Variants in MTF2 observed in about 807,000 individuals in gnomAD.
MTF2 encodes the protein metal response element binding transcription factor 2, also known as metal-response element-binding transcription factor 2.
Under a neutral mutation model 79.5 loss-of-function variants are expected in MTF2, and 11 were observed. The ratio of observed to expected loss-of-function variants is 0.14; its 90% CI spans 0.09 to 0.23. The LOEUF (loss-of-function observed/expected upper bound fraction) is 0.23, where lower values mean the gene tolerates loss of function less well. MTF2 is among the 10% of genes least tolerant of loss of function. MTF2 has a pLI of 1.00. For synonymous variants in MTF2, 208 were observed against 232.8 expected, an observed-to-expected ratio of 0.89 and a Z score of 0.97; for missense variants, 486 against 711.2, an observed-to-expected ratio of 0.68 and a Z score of 3.60.
In MTF2 at chr1:93,137,997, C is replaced by T. The variant is rs778173747; in HGVS notation, c.*970C>T. Reference sequence around the variant, plus strand: ...GCACATTATGATTGTAAATGTCTCTCATTTTTAACAGTAAGTCTATAGGAG... The same window carrying T: ...GCACATTATGATTGTAAATGTCTCTTATTTTTAACAGTAAGTCTATAGGAG... On this transcript the variant is annotated 3_prime_UTR_variant, in exon 15 of 15. Transcript: ENST00000370298. The T allele has an allele frequency of 2.0e-5, 3 of 152,156 alleles. No homozygotes were observed. Among genetic ancestry groups the T allele is most frequent in the African/African-American group, 7.2e-5 (3 of 41,432 alleles). The allele number at this position is 152,156 out of a possible 1,614,324, so 9.4% of individuals were successfully genotyped here. A position where few individuals can be genotyped will look rare whatever the true frequency, so the allele number is the denominator to read the frequency against.
At chr1:93,105,036 C>G (rs1450191536) in intron 1 of MTF2, among the ~76,000 whole-genome samples, 1 of 147,558 alleles carries the variant, frequency 6.8e-6, no homozygotes, top group Admixed American at 6.9e-5. Context: ...CCCAGCTACT[C>G]GGGAGGCTGA....
chr1:93,107,164 G>A (rs962256814), intron 1 of MTF2, among the ~76,000 whole-genome samples: 5 of 152,044 alleles, frequency 3.3e-5, no homozygotes, highest in African/African-American at 9.7e-5. Context: ...GTGTACTAAC[G>A]GTAAAAAATA....
intron 6 of MTF2, among the ~76,000 whole-genome samples, chr1:93,117,407 G>A (rs1164089708): frequency 6.6e-6 from 1 of 152,088 alleles, no homozygotes. Context: ...ACTGAAAAGA[G>A]AAGATATATT....
Position 93,079,344 on chromosome 1 carries a change from G to A in MTF2, c.-183G>A. On this transcript the variant is annotated 5_prime_UTR_variant, in exon 1 of 15. Coordinates refer to ENST00000370298, the MANE Select transcript of MTF2 (RefSeq NM_007358.4). Reference sequence around the variant, plus strand: ...GAAGTGGGCTGTGTTTGAGGCCGGTGTAAGAACGCTCATTCTACCCCCAAC... The same window carrying A: ...GAAGTGGGCTGTGTTTGAGGCCGGTATAAGAACGCTCATTCTACCCCCAAC... 1.4e-6 allele frequency: 1 copy of A among 696,078 alleles called. No individual in the cohort carries two copies. Among genetic ancestry groups the A allele is most frequent in the Admixed American group, 2.4e-5 (1 of 41,718 alleles). 43.1% of individuals were successfully genotyped at this position (696,078 alleles called of 1,614,324 possible). A position where few individuals can be genotyped will look rare whatever the true frequency, so the allele number is the denominator to read the frequency against.
chr1:93,086,147 T>C (rs1257941067), intron 1 of MTF2, among the ~76,000 whole-genome samples: 1 of 152,146 alleles, frequency 6.6e-6, no homozygotes, highest in East Asian at 1.9e-4. Flanking sequence ...TAATCTGTCG[T>C]TGACCAAAGT....
At chr1:93,125,432 C>A (rs1656656355) in intron 9 of MTF2, among the ~76,000 whole-genome samples, 1 of 150,692 alleles carries the variant, frequency 6.6e-6, no homozygotes. Flanking sequence ...GGATTTGTAA[C>A]TAATGGAAAA....
intron 1 of MTF2, among the ~76,000 whole-genome samples, chr1:93,081,493 C>T (rs1571209004): frequency 6.6e-6 from 1 of 152,208 alleles, no homozygotes; most frequent in African/African-American, 2.4e-5. Context: ...GAAAGTAAAA[C>T]TTAACTGCTG....
chr1:93,129,799 A>G (rs753735844), intron 11 of MTF2, among the ~76,000 whole-genome samples: 2 of 152,110 alleles, frequency 1.3e-5, no homozygotes, highest in Admixed American at 6.6e-5. Context: ...TAAGTTTTCA[A>G]GTGCCTTATT....
At chr1:93,082,830 AAAG>A (rs1477922267) in intron 1 of MTF2, among the ~76,000 whole-genome samples, 1 of 152,212 alleles carries the variant, frequency 6.6e-6, no homozygotes, top group South Asian at 2.1e-4. Flanking sequence ...CCCAAAAAGA[AAAG>A]AAAATCTTAA....
At chr1:93,114,582 A>G in intron 3 of MTF2, 106 bp from the exon 4 acceptor site, 1 of 697,852 alleles carries the variant, frequency 1.4e-6, no homozygotes, top group Non-Finnish European at 2.4e-6. Context: ...ATTATGATGT[A>G]CTTAGCAAAC....
chr1:93,113,307 G>T (rs1248098388), intron 3 of MTF2, among the ~76,000 whole-genome samples: 2 of 152,096 alleles, frequency 1.3e-5, no homozygotes, highest in Non-Finnish European at 2.9e-5. Context: ...TTGGGCTTGG[G>T]AAGTCAAGGC....
chr1:93,101,597 T>TTTTTTTTTTTTTTTA (rs71094228), intron 1 of MTF2, among the ~76,000 whole-genome samples: 1 of 122,968 alleles, frequency 8.1e-6, no homozygotes, highest in Non-Finnish European at 1.7e-5. Flanking sequence ...TTTTTTTTTT[T>TTTTTTTTTTTTTTTA]GAGACAGGGT....
intron 1 of MTF2, among the ~76,000 whole-genome samples, chr1:93,102,548 C>T (rs1274620215): frequency 6.6e-6 from 1 of 151,998 alleles, no homozygotes; most frequent in Non-Finnish European, 1.5e-5. Flanking sequence ...CCCATGATTG[C>T]ACCACTGCAC....
Position 93,124,460 on chromosome 1 carries a change from T to C in MTF2, c.922-2772T>C, listed in dbSNP as rs111825607. Among the ~76,000 whole-genome samples the C allele has an allele frequency of 3.8e-3, 577 of 152,178 alleles. 8 individuals are homozygous for C. Among genetic ancestry groups the C allele is most frequent in the African/African-American group, 0.013 (550 of 41,568 alleles). ...CCTAGTTCTGTAATAACCACTCTTC[T>C]GTGGTCTTAAATTTTAGAAACCCTG... is the stretch of plus-strand genomic sequence containing the variant. On this transcript the variant is annotated intron_variant, in intron 9 of 14. Transcript: ENST00000370298.
chr1:93,113,997 T>G (rs1023839746), intron 3 of MTF2, among the ~76,000 whole-genome samples: 2 of 148,854 alleles, frequency 1.3e-5, no homozygotes, highest in Admixed American at 1.3e-4. Flanking sequence ...ATTAGAAATT[T>G]TGTGTGATTT....
chr1:93,079,745 G>C (rs1272711689), intron 1 of MTF2, among the ~76,000 whole-genome samples: 1 of 152,074 alleles, frequency 6.6e-6, no homozygotes. Context: ...GGGACTAAAG[G>C]AGCGAGGAGG....
At chr1:93,116,487 G>A (rs1344373975) in intron 6 of MTF2, among the ~76,000 whole-genome samples, 5 of 149,700 alleles carry the variant, frequency 3.3e-5, no homozygotes, top group Non-Finnish European at 7.4e-5. Context: ...TGAACACTTA[G>A]AGGCCATTGT....
At chr1:93,117,666 G>T (rs916478919) in intron 6 of MTF2, among the ~76,000 whole-genome samples, 6 of 152,160 alleles carry the variant, frequency 3.9e-5, no homozygotes, top group Admixed American at 3.3e-4. Context: ...AAGGCCATTT[G>T]ATATTTGGGG....
At chr1:93,119,233 TA>T (rs1238439212) in intron 7 of MTF2, 99 bp from the exon 8 acceptor site, 5 of 769,586 alleles carry the variant, frequency 6.5e-6, no homozygotes, top group Non-Finnish European at 8.4e-6. Context: ...TCAGTCTTTA[TA>T]TCAGCTGTAG....
Sources: gnomAD v4.1 joint callset for allele counts (sites outside exome capture counted in the v4.1 genomes callset) on GRCh38, gnomAD v4.1.1 for gene constraint, MANE v1.5 for transcripts, NCBI Gene and HGNC (gene_info 2026-07-23, HGNC 2026-07-21) for gene names.